Variants in ANGPT4 observed in about 807,000 individuals in gnomAD.
ANGPT4 encodes angiopoietin-4.
Under a neutral mutation model 53.0 loss-of-function variants are expected in ANGPT4, and 50 were observed. The observed-to-expected ratio is 0.94, with a 90% CI of 0.75 to 1.20. The LOEUF (loss-of-function observed/expected upper bound fraction) is 1.20. Among genes scored for constraint, ANGPT4 ranks in the 50% most tolerant of loss-of-function variants. The pLI, the probability that ANGPT4 is intolerant of heterozygous loss-of-function variation, is 0.00. For synonymous variants in ANGPT4, 251 were observed against 259.7 expected, an observed-to-expected ratio of 0.97 and a Z score of 0.32; for missense variants, 648 against 637.1, an observed-to-expected ratio of 1.02 and a Z score of -0.18.
Position 874,327 on chromosome 20 carries a change from G to T in ANGPT4, c.1308C>A (p.Asp436Glu), listed in dbSNP as rs771289238. ...QNTSFSTLDS[D>E]NDHCLCKCAQ... is the part of the protein sequence containing the mutation. ...CACACTTGCAGAGACAGTGGTCGTTGTCTGAGTCAAGGGTGCTAAAGCTGG... is the reference window on the plus strand; with the variant it reads ...CACACTTGCAGAGACAGTGGTCGTTTTCTGAGTCAAGGGTGCTAAAGCTGG... Residue 436 changes from aspartate (D) to glutamate (E), a missense_variant, in exon 8 of 9, where the codon GAC (aspartate) becomes GAA (glutamate). Physicochemically the swap from Asp to Glu is conservative, Grantham distance 45. Transcript: ENST00000381922. 1 of 1,614,230 alleles carries T rather than the reference G, an allele frequency of 6.2e-7. No individual in the cohort carries two copies. Among genetic ancestry groups the T allele is most frequent in the South Asian group, 1.1e-5 (1 of 91,078 alleles).
At chr20:899,428 T>G (rs1982192400) in intron 1 of ANGPT4, among the ~76,000 whole-genome samples, 1 of 152,020 alleles carries the variant, frequency 6.6e-6, no homozygotes, top group African/African-American at 2.4e-5. Context: ...TTTTGTATTT[T>G]TTTTTTAGTA....
intron 7 of ANGPT4, among the ~76,000 whole-genome samples, chr20:875,082 C>T (rs146654347): frequency 1.1e-3 from 174 of 151,980 alleles, no homozygotes; most frequent in African/African-American, 4.0e-3. Context: ...AAGTGCTTTG[C>T]ATAGGTTAAC....
chr20:873,169 A>G (rs779240479), intron 8 of ANGPT4, 49 bp from the exon 9 acceptor site: 2 of 1,472,678 alleles, frequency 1.4e-6, no homozygotes, highest in Non-Finnish European at 1.8e-6. Flanking sequence ...GAGCCCAGCC[A>G]GTGGCAAGAG....
intron 1 of ANGPT4, among the ~76,000 whole-genome samples, chr20:898,952 C>T (rs981100383): frequency 6.6e-6 from 1 of 152,186 alleles, no homozygotes; most frequent in Non-Finnish European, 1.5e-5. Flanking sequence ...ACCCAGAGCC[C>T]CTGGAAATCT....
In ANGPT4 at chr20:914,568, G is replaced by A. The variant is rs1032185396; in HGVS notation, c.309+1338C>T. 6.6e-6 allele frequency among the ~76,000 whole-genome samples: 1 copy of A among 152,108 alleles called. No individual in the cohort carries two copies. Among genetic ancestry groups the A allele is most frequent in the Non-Finnish European group, 1.5e-5 (1 of 68,008 alleles). ...GTGTTAGCAGGGAGCCAGGGGGGCAGCCAGGACAGCTATCCTGCCTGGAGC... is the reference window on the plus strand; with the variant it reads ...GTGTTAGCAGGGAGCCAGGGGGGCAACCAGGACAGCTATCCTGCCTGGAGC... On this transcript the variant is annotated intron_variant, in intron 1 of 8. Coordinates refer to ENST00000381922, the MANE Select transcript of ANGPT4 (RefSeq NM_015985.4). This position sits in a 1 kb window ranked among gnomAD's most constrained non-coding sequence, Gnocchi z 5.0.
chr20:898,961 C>G lies in ANGPT4; in HGVS notation c.310-8593G>C, dbSNP rs145250492. ...AACCACACCCAGAGCCCCTGGAAAT[C>G]TGGCCCAAGGCTGTCTGACTGACTC... On this transcript the variant is annotated intron_variant, in intron 1 of 8. Transcript: ENST00000381922. Among the ~76,000 whole-genome samples, 453 of 151,862 alleles carry G rather than the reference C, an allele frequency of 3.0e-3. 2 individuals are homozygous for G. Among genetic ancestry groups the G allele is most frequent in the African/African-American group, 0.011 (441 of 41,120 alleles).
intron 1 of ANGPT4, among the ~76,000 whole-genome samples, chr20:906,610 C>T (rs971903468): frequency 6.6e-6 from 1 of 152,224 alleles, no homozygotes; most frequent in Non-Finnish European, 1.5e-5. Flanking sequence ...CATCCCCAGG[C>T]CTCAGTTTCC....
Position 882,415 on chromosome 20 carries a change from G to T in ANGPT4, c.836-1129C>A, listed in dbSNP as rs1311582368. On this transcript the variant is annotated intron_variant, in intron 4 of 8. Coordinates refer to ENST00000381922, the MANE Select transcript of ANGPT4 (RefSeq NM_015985.4). ...GTCAACACCAGTGAGGAACCAGGAG[G>T]CTACCACAGGGTGGGACTTCCTGGT... 1.3e-5 allele frequency among the ~76,000 whole-genome samples: 2 copies of T among 152,170 alleles called. 1 individual carries two copies. Among genetic ancestry groups the T allele is most frequent in the East Asian group, 3.9e-4 (2 of 5,180 alleles).
At chr20:903,331 C>T (rs542170777) in intron 1 of ANGPT4, among the ~76,000 whole-genome samples, 10 of 152,298 alleles carry the variant, frequency 6.6e-5, no homozygotes, top group Admixed American at 3.9e-4. Flanking sequence ...TCTCTCACAT[C>T]CTGCATCCAA....
At chr20:887,020 T>C (rs1202852812) in intron 3 of ANGPT4, among the ~76,000 whole-genome samples, 2 of 152,196 alleles carry the variant, frequency 1.3e-5, no homozygotes, top group African/African-American at 4.8e-5. Flanking sequence ...TAATTGTTGG[T>C]TGAATGAATG....
chr20:890,400 G>GT, intron 1 of ANGPT4, 32 bp from the exon 2 acceptor site: 1 of 1,577,216 alleles, frequency 6.3e-7, no homozygotes. Flanking sequence ...GGTCACGGGG[G>GT]AGGGGCGGGG....
At chr20:874,529 T>C (rs1568820303) in intron 7 of ANGPT4, 115 bp from the exon 8 acceptor site, 5 of 1,411,674 alleles carry the variant, frequency 3.5e-6, no homozygotes, top group Non-Finnish European at 4.8e-6. Flanking sequence ...CTCCAGGTGT[T>C]CTTGGAGGGA....
At chr20:886,279 G>A (rs567195911) in intron 3 of ANGPT4, among the ~76,000 whole-genome samples, 3 of 152,278 alleles carry the variant, frequency 2.0e-5, no homozygotes, top group African/African-American at 7.2e-5. Context: ...ATTAGTAAAA[G>A]GCTGGAAGCA....
At chr20:879,940 C>G (rs1600043983) in intron 5 of ANGPT4, 92 bp from the exon 6 acceptor site, 1 of 794,750 alleles carries the variant, frequency 1.3e-6, no homozygotes, top group East Asian at 2.9e-5. Flanking sequence ...GCAGACAGAC[C>G]CCCACAGAGC....
intron 6 of ANGPT4, among the ~76,000 whole-genome samples, chr20:878,991 C>G (rs1021892150): frequency 6.6e-6 from 1 of 152,168 alleles, no homozygotes; most frequent in African/African-American, 2.4e-5. Context: ...CGATGCAATG[C>G]GGGTTAGCCT....
chr20:900,072 C>T (rs981212621), intron 1 of ANGPT4, among the ~76,000 whole-genome samples: 1 of 152,322 alleles, frequency 6.6e-6, no homozygotes, highest in African/African-American at 2.4e-5. Flanking sequence ...TCCATTCTAT[C>T]GTCCTTTCAT....
intron 1 of ANGPT4, among the ~76,000 whole-genome samples, chr20:915,344 C>T (rs1269538553): frequency 3.3e-5 from 5 of 152,142 alleles, no homozygotes; most frequent in Non-Finnish European, 5.9e-5. Context: ...AGGCACACAC[C>T]GCTGCGGATG....
chr20:878,294 C>T lies in ANGPT4; in HGVS notation c.1087G>A (p.Gly363Ser). The change falls in exon 7 of 9, where the codon GGC becomes AGC. Residue 363 changes from glycine (G) to serine (S), a missense_variant. Gly to Ser is a moderately conservative substitution (Grantham distance 56). Coordinates refer to ENST00000381922, the MANE Select transcript of ANGPT4 (RefSeq NM_015985.4). ...FGDPAGEHWL[G>S]NEVVHQLTRR... Reference sequence around the variant, plus strand: ...GTGAGCTGGTGCACCACTTCATTGCCCAGCCAGTGCTCCCCAGCTGGGTCT... The same window carrying T: ...GTGAGCTGGTGCACCACTTCATTGCTCAGCCAGTGCTCCCCAGCTGGGTCT... 1 of 1,610,092 alleles carries T rather than the reference C, an allele frequency of 6.2e-7. No individual in the cohort carries two copies. Among genetic ancestry groups the T allele is most frequent in the South Asian group, 1.1e-5 (1 of 90,996 alleles).
In ANGPT4 at chr20:874,936, T is replaced by C. The variant is rs923805174; in HGVS notation, c.1221-522A>G. 2.6e-5 allele frequency among the ~76,000 whole-genome samples: 4 copies of C among 152,126 alleles called. No individual in the cohort carries two copies. The South Asian group carries it at 8.3e-4, about 32-fold the overall frequency. On this transcript the variant is annotated intron_variant, in intron 7 of 8. Transcript: ENST00000381922. ...GGTCTCACTATGTTGCCCAGGCTGG[T>C]CTTGAACACCTGAGCTCAAGCAGTC...
Sources: allele counts gnomAD v4.1 joint callset (sites outside exome capture counted in the v4.1 genomes callset), GRCh38; gene constraint gnomAD v4.1.1; non-coding constraint Gnocchi (gnomAD v3.1); transcripts MANE v1.5; gene names NCBI Gene and HGNC (gene_info 2026-07-23, HGNC 2026-07-21).